Variants in CCDC134 observed in about 807,000 individuals in gnomAD.
CCDC134 encodes coiled-coil domain-containing protein 134.
CCDC134 carries 27 observed loss-of-function variants against 25.6 expected under a neutral mutation model. The observed-to-expected ratio is 1.05, with a 90% CI of 0.78 to 1.45. The LOEUF (loss-of-function observed/expected upper bound fraction) is 1.45, where lower values mean the gene tolerates loss of function less well. CCDC134 is among the 40% of genes most tolerant of loss of function. The pLI is 0.00. For synonymous variants in CCDC134, 110 were observed against 115.0 expected (o/e 0.96, Z 0.28); for missense variants, 261 against 286.7 (o/e 0.91, Z 0.65).
rs947478791 is a variant in CCDC134, at chr22:41,827,973, A to G, written c.*2150A>G. On this transcript the variant is annotated 3_prime_UTR_variant, in exon 7 of 7. Transcript: ENST00000255784. ...TAACTGGAGAAAAAACTTTCTAAGAACCAGGCCTGGTTGGCAGCAGACCTA... is the reference window on the plus strand; with the variant it reads ...TAACTGGAGAAAAAACTTTCTAAGAGCCAGGCCTGGTTGGCAGCAGACCTA... Among the ~76,000 whole-genome samples the G allele has an allele frequency of 1.6e-4, 25 of 152,324 alleles. No individual in the cohort carries two copies. Among genetic ancestry groups the G allele is most frequent in the Admixed American group, 1.6e-3 (24 of 15,302 alleles).
At chr22:41,809,194 A>G (rs989644243) in intron 2 of CCDC134, among the ~76,000 whole-genome samples, 1 of 152,194 alleles carries the variant, frequency 6.6e-6, no homozygotes, top group African/African-American at 2.4e-5. Flanking sequence ...GACAAGGCCC[A>G]TCTCTAGACT....
At position 41,830,051 on chromosome 22, in the gene CCDC134, G is replaced by A. The variant is rs879501348; in HGVS notation, c.*4228G>A. Among the ~76,000 whole-genome samples, 13 of 152,280 alleles carry A rather than the reference G, an allele frequency of 8.5e-5. No individual in the cohort carries two copies. Among genetic ancestry groups the A allele is most frequent in the Middle Eastern group, 3.4e-3 (1 of 294 alleles). ...CTCCTAAAGTGCTGGGATTACAGGC[G>A]TAAGCAACCGTGCCCGGCTGTCCAT... On this transcript the variant is annotated 3_prime_UTR_variant, in exon 7 of 7. Transcript: ENST00000255784.
intron 6 of CCDC134, among the ~76,000 whole-genome samples, chr22:41,814,305 T>C (rs2076612204): frequency 6.6e-6 from 1 of 152,082 alleles, no homozygotes; most frequent in Non-Finnish European, 1.5e-5. Context: ...GTGGCTCACA[T>C]CTGTAATTCC....
chr22:41,821,962 G>T (rs1367571303), intron 6 of CCDC134, among the ~76,000 whole-genome samples: 1 of 152,160 alleles, frequency 6.6e-6, no homozygotes, highest in African/African-American at 2.4e-5. Flanking sequence ...GGCTTGAGGA[G>T]AAGGTATGTG....
At chr22:41,820,001 T>TATATATATATATAA (rs2076642908) in intron 6 of CCDC134, among the ~76,000 whole-genome samples, 3 of 96,078 alleles carry the variant, frequency 3.1e-5, no homozygotes, top group African/African-American at 1.4e-4. Context: ...ATATATATAA[T>TATATATATATATAA]TTTTTTTTTT....
At chr22:41,801,631 T>C (rs2076544101) in intron 1 of CCDC134, among the ~76,000 whole-genome samples, 1 of 152,114 alleles carries the variant, frequency 6.6e-6, no homozygotes, top group Non-Finnish European at 1.5e-5. Context: ...ACCGACACCC[T>C]CTCATCCCTC....
rs541673554 is a variant in CCDC134 at position 41,832,110 on chromosome 22, A to G, written c.*6287A>G. 1 of 152,340 alleles carries G rather than the reference A, an allele frequency of 6.6e-6. No individual in the cohort carries two copies. Among genetic ancestry groups the G allele is most frequent in the South Asian group, 2.1e-4 (1 of 4,830 alleles). 9.4% of individuals were successfully genotyped at this position (152,340 alleles called of 1,614,324 possible). A position where few individuals can be genotyped will look rare whatever the true frequency, so the allele number is the denominator to read the frequency against. ...CAGGAAACTTCAACTTTTCCCTTTT[A>G]TCAATATATTGTGAACGCCTTTTCT... On this transcript the variant is annotated 3_prime_UTR_variant, in exon 7 of 7. Transcript: ENST00000255784.
chr22:41,830,617 C>T lies in CCDC134; in HGVS notation c.*4794C>T, dbSNP rs750879889. On this transcript the variant is annotated 3_prime_UTR_variant, in exon 7 of 7. Coordinates refer to ENST00000255784, the MANE Select transcript of CCDC134 (RefSeq NM_024821.5). ...GACTGGTGTATTCTATACCAGCCTC[C>T]CTGTGTGTGAACAATGACGAGAACA... 1.2e-4 allele frequency among the ~76,000 whole-genome samples: 19 copies of T among 152,104 alleles called. No individual in the cohort carries two copies. The highest frequency in any genetic ancestry group is 7.2e-4 in the Admixed American group (11 of 15,272).
At position 41,826,036 on chromosome 22, in the gene CCDC134, C is replaced by T. The variant is rs1341179371; in HGVS notation, c.*213C>T. On this transcript the variant is annotated 3_prime_UTR_variant, in exon 7 of 7. Coordinates refer to ENST00000255784, the MANE Select transcript of CCDC134 (RefSeq NM_024821.5). ...TCTCAGGGGCCTCCTGCTGAAGGGG[C>T]CTTCAGAGGATTTTATGCTGGAAAT... 2 of 563,994 alleles carry T rather than the reference C, an allele frequency of 3.5e-6. No homozygotes were observed. Among genetic ancestry groups the T allele is most frequent in the Non-Finnish European group, 6.3e-6 (2 of 318,472 alleles). The allele number at this position is 563,994 out of a possible 1,614,324, so 34.9% of individuals were successfully genotyped here.
At chr22:41,806,504 G>GCCA (rs1014084138) in intron 1 of CCDC134, among the ~76,000 whole-genome samples, 1 of 151,952 alleles carries the variant, frequency 6.6e-6, no homozygotes, top group African/African-American at 2.4e-5. Context: ...ACAGGCATGA[G>GCCA]CCACCATGCC....
At chr22:41,813,646 C>T (rs2076608531) in intron 5 of CCDC134, 105 bp from the exon 6 acceptor site, 3 of 1,318,278 alleles carry the variant, frequency 2.3e-6, no homozygotes, top group South Asian at 1.2e-5. Context: ...ATGTGGCCCA[C>T]ATCTGCCCAA....
intron 5 of CCDC134, 75 bp downstream of exon 5, chr22:41,813,520 T>C: frequency 6.5e-6 from 10 of 1,537,984 alleles, no homozygotes; most frequent in Admixed American, 1.8e-5. Context: ...CTGCCTTCAG[T>C]TGGGCCTGAA....
At chr22:41,813,536 G>T in intron 5 of CCDC134, 91 bp downstream of exon 5, 1 of 1,442,156 alleles carries the variant, frequency 6.9e-7, no homozygotes, top group Non-Finnish European at 9.5e-7. Flanking sequence ...CTGAACGTCA[G>T]TGCTTGGTTA....
At chr22:41,802,368 T>C (rs2076547622) in intron 1 of CCDC134, among the ~76,000 whole-genome samples, 1 of 151,918 alleles carries the variant, frequency 6.6e-6, no homozygotes, top group Admixed American at 6.6e-5. Flanking sequence ...TCTCTTGCCA[T>C]GTTGGAGACT....
At chr22:41,804,381 A>G (rs1479659982) in intron 1 of CCDC134, among the ~76,000 whole-genome samples, 3 of 152,176 alleles carry the variant, frequency 2.0e-5, no homozygotes, top group Non-Finnish European at 4.4e-5. Context: ...GCCAATTTTT[A>G]ATAATTTCAT....
intron 6 of CCDC134, 41 bp downstream of exon 6, chr22:41,813,863 G>A: frequency 6.3e-7 from 1 of 1,592,926 alleles, no homozygotes; most frequent in Non-Finnish European, 8.6e-7. Context: ...CTTTGCCTCT[G>A]CTGGGCCATA....
At chr22:41,822,616 C>A (rs1031282770) in intron 6 of CCDC134, among the ~76,000 whole-genome samples, 1 of 152,134 alleles carries the variant, frequency 6.6e-6, no homozygotes, top group Non-Finnish European at 1.5e-5. Context: ...CTCTTCTGAC[C>A]CGGCTAGGTT....
intron 1 of CCDC134, among the ~76,000 whole-genome samples, chr22:41,804,839 G>C (rs934471453): frequency 1.3e-5 from 2 of 152,238 alleles, no homozygotes; most frequent in African/African-American, 4.8e-5. Context: ...GGAGCCCAAA[G>C]TGGGCAGATC....
At chr22:41,811,904 G>A (rs777737368) in intron 4 of CCDC134, among the ~76,000 whole-genome samples, 28 of 152,114 alleles carry the variant, frequency 1.8e-4, no homozygotes, top group Non-Finnish European at 3.2e-4. Flanking sequence ...TGGTGTGCAC[G>A]GGTCAAACCT....
Sources: allele counts gnomAD v4.1 joint callset (sites outside exome capture counted in the v4.1 genomes callset), GRCh38; gene constraint gnomAD v4.1.1; transcripts MANE v1.5; gene names NCBI Gene and HGNC (gene_info 2026-07-23, HGNC 2026-07-21).